COX7A2L: variants seen among roughly 807,000 people sequenced by gnomAD.
COX7A2L encodes the protein cytochrome c oxidase subunit 7A2 like, also known as cytochrome c oxidase subunit 7A2-like, mitochondrial.
Under a neutral mutation model 14.2 loss-of-function variants are expected in COX7A2L, and 18 were observed. The observed-to-expected ratio is 1.27, with a 90% CI of 0.88 to 1.88. The LOEUF (loss-of-function observed/expected upper bound fraction) is 1.88. Ranked by LOEUF, COX7A2L falls within the 40% of genes most tolerant of loss-of-function variation. The pLI is 0.00. For missense variants in COX7A2L, 179 were observed against 138.8 expected, an observed-to-expected ratio of 1.29 and a Z score of -1.46; for synonymous variants, 65 against 57.4, an observed-to-expected ratio of 1.13 and a Z score of -0.60.
At chr2:42,348,557 G>A (rs1208333258), downstream of COX7A2L, among the ~76,000 whole-genome samples, 2 of 152,102 alleles carry the variant, frequency 1.3e-5, no homozygotes, top group East Asian at 1.9e-4. Context: ...AACTTGCCTG[G>A]ACTCTTCAAA....
upstream of COX7A2L, among the ~76,000 whole-genome samples, chr2:42,363,561 C>A (rs1671103071): frequency 6.6e-6 from 1 of 152,204 alleles, no homozygotes; most frequent in Non-Finnish European, 1.5e-5. Context: ...AATGTTACAA[C>A]AGCCAGGCTG....
chr2:42,362,321 C>G (rs1671076385), upstream of COX7A2L, among the ~76,000 whole-genome samples: 1 of 152,216 alleles, frequency 6.6e-6, no homozygotes, highest in South Asian at 2.1e-4. Flanking sequence ...TTAGCTTCAT[C>G]ATCTAACCAT....
intron 1 of COX7A2L, among the ~76,000 whole-genome samples, chr2:42,356,461 G>C (rs1304404065): frequency 2.6e-5 from 4 of 152,218 alleles, no homozygotes; most frequent in Non-Finnish European, 4.4e-5. Context: ...GCAACCGGCA[G>C]AGTAAGCGCA....
chr2:42,357,476 T>A (rs1345309129), intron 1 of COX7A2L, among the ~76,000 whole-genome samples: 1 of 152,028 alleles, frequency 6.6e-6, no homozygotes, highest in Non-Finnish European at 1.5e-5. Context: ...ACCCAGCTAA[T>A]TTTTCTTATT....
intron 1 of COX7A2L, among the ~76,000 whole-genome samples, chr2:42,354,388 A>G (rs935855238): frequency 6.6e-6 from 1 of 152,216 alleles, no homozygotes; most frequent in Non-Finnish European, 1.5e-5. Flanking sequence ...AAGAGTTATA[A>G]GCCAATAAAA....
At chr2:42,353,491 C>T (rs1014842623) in intron 1 of COX7A2L, 148 bp from the exon 2 acceptor site, 9 of 1,038,606 alleles carry the variant, frequency 8.7e-6, no homozygotes, top group South Asian at 4.7e-5. Context: ...CTTGCCATTA[C>T]GATTGCAGGG....
At chr2:42,362,172 TG>T (rs2103916598), upstream of COX7A2L, among the ~76,000 whole-genome samples, 1 of 152,340 alleles carries the variant, frequency 6.6e-6, no homozygotes, top group African/African-American at 2.4e-5. Context: ...CTGAAAGATC[TG>T]GAACTACCAC....
intron 1 of COX7A2L, 37 bp from the exon 2 acceptor site, chr2:42,353,380 A>T: frequency 6.2e-7 from 1 of 1,610,178 alleles, no homozygotes; most frequent in South Asian, 1.1e-5. Context: ...AGTTGAAAGT[A>T]TGTCTGAGGA....
At chr2:42,361,640 T>A (rs1671055516), upstream of COX7A2L, 1 of 154,078 alleles carries the variant, frequency 6.5e-6, no homozygotes, top group Non-Finnish European at 1.5e-5. Flanking sequence ...CGAAGCCGGT[T>A]GGGAATTCCA....
chr2:42,361,045 G>A (rs758171642), intron 1 of COX7A2L, 45 bp downstream of exon 1: 1 of 1,604,526 alleles, frequency 6.2e-7, no homozygotes, highest in Non-Finnish European at 8.5e-7. Flanking sequence ...GCCGAGGCTA[G>A]GGCCGCCACT....
chr2:42,343,974 C>G (rs1391594076), intron 2 of COX7A2L, among the ~76,000 whole-genome samples: 1 of 152,160 alleles, frequency 6.6e-6, no homozygotes, highest in African/African-American at 2.4e-5. Flanking sequence ...TAGTCAGACC[C>G]TGAAAGGGAA....
intron 2 of COX7A2L, among the ~76,000 whole-genome samples, chr2:42,340,711 G>A (rs866628541): frequency 3.3e-5 from 5 of 151,966 alleles, no homozygotes; most frequent in African/African-American, 1.2e-4. Flanking sequence ...GTTCAACAGC[G>A]CCCCAGTGGG....
intron 2 of COX7A2L, 127 bp from the exon 3 acceptor site, chr2:42,351,486 A>C: frequency 9.6e-7 from 1 of 1,040,192 alleles, no homozygotes; most frequent in South Asian, 1.8e-5. Context: ...GAAAAGCACT[A>C]ATCCATGGAA....
At chr2:42,362,909 C>T (rs1004942608), upstream of COX7A2L, among the ~76,000 whole-genome samples, 1 of 147,406 alleles carries the variant, frequency 6.8e-6, no homozygotes, top group African/African-American at 2.5e-5. Context: ...CAGGGTCTCA[C>T]TCTGTCCCAG....
chr2:42,354,979 G>C (rs1670770818), intron 1 of COX7A2L, among the ~76,000 whole-genome samples: 1 of 152,174 alleles, frequency 6.6e-6, no homozygotes, highest in Admixed American at 6.5e-5. Flanking sequence ...GAAAACACTG[G>C]AGAGAGAATA....
At chr2:42,348,473 T>C (rs1399701099), downstream of COX7A2L, among the ~76,000 whole-genome samples, 2 of 152,174 alleles carry the variant, frequency 1.3e-5, no homozygotes, top group African/African-American at 4.8e-5. Context: ...AAAAAATTCC[T>C]GACAAAAATG....
At chr2:42,368,537 G>C (rs1441748339) in intron 1 of COX7A2L, among the ~76,000 whole-genome samples, 1 of 152,218 alleles carries the variant, frequency 6.6e-6, no homozygotes, top group Non-Finnish European at 1.5e-5. Context: ...TGTTAACCCA[G>C]TGAATTGAAA....
chr2:42,341,411 G>T (rs530857534), intron 2 of COX7A2L, among the ~76,000 whole-genome samples: 14 of 152,298 alleles, frequency 9.2e-5, no homozygotes, highest in Middle Eastern at 6.8e-3. Context: ...GTACCCCAAG[G>T]CCTGCCCAAG....
At chr2:42,368,343 T>C (rs752615132) in intron 1 of COX7A2L, among the ~76,000 whole-genome samples, 12 of 152,238 alleles carry the variant, frequency 7.9e-5, no homozygotes, top group Non-Finnish European at 1.6e-4. Context: ...ATTTAAAGAA[T>C]GGGTTACATT....
Sources: allele counts gnomAD v4.1 joint callset (sites outside exome capture counted in the v4.1 genomes callset), GRCh38; gene constraint gnomAD v4.1.1; transcripts MANE v1.5; gene names NCBI Gene and HGNC (gene_info 2026-07-23, HGNC 2026-07-21).